Variants in ABHD17A observed in about 807,000 individuals in gnomAD.
ABHD17A encodes abhydrolase domain containing 17A, depalmitoylase.
ABHD17A carries 10 observed loss-of-function variants against 26.8 expected under a neutral mutation model. The ratio of observed to expected loss-of-function variants is 0.37; its 90% CI spans 0.23 to 0.63. The LOEUF is 0.63. ABHD17A is among the 30% of genes least tolerant of loss of function. ABHD17A has a pLI of 0.61. For missense variants in ABHD17A, 292 were observed against 457.3 expected (o/e 0.64, Z 3.30); for synonymous variants, 167 against 210.9 (o/e 0.79, Z 1.80).
Position 1,884,782 on chromosome 19 carries a change from C to T in ABHD17A, c.-239+570G>A, listed in dbSNP as rs575241959. The stretch of plus-strand genomic sequence containing the variant: ...AGAGAGCCTGGGACGGGTGAGGTCG[C>T]GCCCCCGAGAGTTTGCACTTCATCC... On this transcript the variant is annotated intron_variant, in intron 1 of 4. Coordinates refer to ENST00000292577, the MANE Select transcript of ABHD17A (RefSeq NM_001130111.2). Among the ~76,000 whole-genome samples, 286 of 151,218 alleles carry T rather than the reference C, an allele frequency of 1.9e-3. 1 individual carries two copies. The highest frequency in any genetic ancestry group is 2.7e-3 in the Non-Finnish European group (182 of 67,698).
rs759155426 is a variant in ABHD17A at position 1,877,403 on chromosome 19, T to G, written c.730A>C (p.Thr244Pro). 1.9e-6 allele frequency: 3 copies of G among 1,568,428 alleles called. No homozygotes were observed. Among genetic ancestry groups the G allele is most frequent in the Non-Finnish European group, 2.6e-6 (3 of 1,164,132 alleles). ...CCGTGGATGATGAGCACGGGAGACGTGATCTTGGACACCTTCTCGATGCTG... is the reference window on the plus strand; with the variant it reads ...CCGTGGATGATGAGCACGGGAGACGGGATCTTGGACACCTTCTCGATGCTG... ...FPNIEKVSKI[T>P]SPVLIIHGTE... is the part of the protein sequence containing the mutation. Residue 244 changes from threonine to proline, a missense_variant, in exon 5 of 5, where the codon ACG (threonine) becomes CCG (proline). Physicochemically the swap from Thr to Pro is conservative, Grantham distance 38 (BLOSUM62 -1). Transcript: ENST00000292577.
chr19:1,883,952 T>C (rs12978348), intron 1 of ABHD17A, among the ~76,000 whole-genome samples: 106,061 of 151,894 alleles, frequency 0.7, 37,202 homozygotes, highest in Middle Eastern at 0.81. Flanking sequence ...ACCCTGCCAC[T>C]CCTGGCTCCC....
rs752472102 is a variant in ABHD17A at position 1,877,407 on chromosome 19, C to G, written c.726G>C (p.Lys242Asn). The change falls in exon 5 of 5, where the codon AAG becomes AAC. Residue 242 changes from lysine (K) to asparagine (N), a missense_variant. Physicochemically the swap from Lys to Asn is moderately conservative, Grantham distance 94. Coordinates refer to ENST00000292577, the MANE Select transcript of ABHD17A (RefSeq NM_001130111.2). ...DAFPNIEKVS[K>N]ITSPVLIIHG... Reference sequence around the variant, plus strand: ...GGATGATGAGCACGGGAGACGTGATCTTGGACACCTTCTCGATGCTGCGGG... The same window carrying G: ...GGATGATGAGCACGGGAGACGTGATGTTGGACACCTTCTCGATGCTGCGGG... 5 of 1,567,612 alleles carry G rather than the reference C, an allele frequency of 3.2e-6. No individual in the cohort carries two copies. Among genetic ancestry groups the G allele is most frequent in the African/African-American group, 1.3e-5 (1 of 74,570 alleles).
At position 1,880,574 on chromosome 19, in the gene ABHD17A, G is replaced by C. The variant is rs1348341025; in HGVS notation, c.333-459C>G. On this transcript the variant is annotated intron_variant, in intron 2 of 4. Transcript: ENST00000292577. The surrounding 1 kb of genome is among the most constrained non-coding windows in gnomAD (Gnocchi z 4.1). ...GGGAGCCCATGCTGCTGCTGGCAGG[G>C]CTATCTCCCCTCACCTCACAGAATG... is the stretch of plus-strand genomic sequence containing the variant. 6.6e-6 allele frequency among the ~76,000 whole-genome samples: 1 copy of C among 152,188 alleles called. No homozygotes were observed. Among genetic ancestry groups the C allele is most frequent in the African/African-American group, 2.4e-5 (1 of 41,446 alleles).
chr19:1,885,012 G>T (rs970819323), intron 1 of ABHD17A, among the ~76,000 whole-genome samples: 6 of 152,204 alleles, frequency 3.9e-5, no homozygotes, highest in Admixed American at 6.5e-5. Context: ...AGCTGCCTTG[G>T]GGGGCGAGAG....
In ABHD17A at chr19:1,880,121, A is replaced by G. The variant is rs542398863; in HGVS notation, c.333-6T>C. 6.2e-7 allele frequency: 1 copy of G among 1,612,744 alleles called. No homozygotes were observed. The highest frequency in any genetic ancestry group is 1.3e-5 in the African/African-American group (1 of 75,052). On this transcript the variant is annotated splice_region_variant and splice_polypyrimidine_tract_variant and intron_variant, in intron 2 of 4. Coordinates refer to ENST00000292577, the MANE Select transcript of ABHD17A (RefSeq NM_001130111.2). This position sits in a 1 kb window ranked among gnomAD's most constrained non-coding sequence, Gnocchi z 4.1. ...GCGAGAAGAGGACCGTGTACCTGGG[A>G]CAGGCCGAGAAGGGCCGTTCACATC...
intron 1 of ABHD17A, among the ~76,000 whole-genome samples, chr19:1,884,492 G>A (rs1599211955): frequency 6.6e-6 from 1 of 152,140 alleles, no homozygotes; most frequent in African/African-American, 2.4e-5. Context: ...GCAAGCTAGA[G>A]GTGTTCTGAG....
chr19:1,884,629 G>T (rs1408578935), intron 1 of ABHD17A, among the ~76,000 whole-genome samples: 1 of 152,086 alleles, frequency 6.6e-6, no homozygotes, highest in Non-Finnish European at 1.5e-5. Flanking sequence ...ATATCAGAGG[G>T]CAGACAAACG....
In ABHD17A at chr19:1,877,180, C is replaced by T. The variant is rs771040886; in HGVS notation, c.*20G>A. On this transcript the variant is annotated 3_prime_UTR_variant, in exon 5 of 5. Coordinates refer to ENST00000292577, the MANE Select transcript of ABHD17A (RefSeq NM_001130111.2). ...CCGGGGGCCGCCTTATTGCTGAGGT[C>T]CGGCCGGTTGGGGCCGCCGCTAGGC... is the stretch of plus-strand genomic sequence containing the variant. 57 of 1,411,278 alleles carry T rather than the reference C, an allele frequency of 4.0e-5. No homozygotes were observed. Among genetic ancestry groups the T allele is most frequent in the South Asian group, 1.4e-4 (11 of 80,650 alleles). 87.4% of individuals were successfully genotyped at this position (1,411,278 alleles called of 1,614,324 possible). A position where few individuals can be genotyped will look rare whatever the true frequency, so the allele number is the denominator to read the frequency against.
intron 3 of ABHD17A, 148 bp from the exon 4 acceptor site, chr19:1,877,835 T>A: frequency 1.4e-6 from 1 of 696,552 alleles, no homozygotes; most frequent in East Asian, 2.9e-5. Context: ...TCCACACCAG[T>A]CCCGAGGGCC....
chr19:1,881,253 C>G lies in ABHD17A; in HGVS notation c.314G>C (p.Arg105Pro). The change falls in exon 2 of 5, where the codon CGC becomes CCC. Residue 105 changes from arginine (R) to proline (P), a missense_variant. Around this residue, in one of 4 missense-constraint regions of ABHD17A, gnomAD observed 171 missense variants for 216.1 expected, o/e 0.79. Coordinates refer to ENST00000292577, the MANE Select transcript of ABHD17A (RefSeq NM_001130111.2). ...TGCTCACCTGGCACCAGGCACGCAGCGAACATACATGCAGGAGACGCGGTT... is the reference window on the plus strand; with the variant it reads ...TGCTCACCTGGCACCAGGCACGCAGGGAACATACATGCAGGAGACGCGGTT... ...RGNRVSCMYV[R>P]CVPGARYTVL... 1 of 1,611,128 alleles carries G rather than the reference C, an allele frequency of 6.2e-7. No homozygotes were observed. The highest frequency in any genetic ancestry group is 8.5e-7 in the Non-Finnish European group (1 of 1,179,738).
rs776623684 is a variant in ABHD17A at position 1,880,657 on chromosome 19, G to A, written c.333-542C>T. 1.3e-5 allele frequency among the ~76,000 whole-genome samples: 2 copies of A among 152,096 alleles called. No individual in the cohort carries two copies. The highest frequency in any genetic ancestry group is 2.4e-5 in the African/African-American group (1 of 41,410). On this transcript the variant is annotated intron_variant, in intron 2 of 4. Transcript: ENST00000292577. The surrounding 1 kb of genome is among the most constrained non-coding windows in gnomAD (Gnocchi z 4.1). ...ACCCCTGCCCCCAACAAGCAAATGC[G>A]GCCAATCTCTGCTCACACTCATGCA...
Position 1,881,339 on chromosome 19 carries a change from G to C in ABHD17A, c.228C>G (p.Phe76Leu). The C allele has an allele frequency of 1.9e-6, 3 of 1,610,282 alleles. No individual in the cohort carries two copies. In the South Asian group the frequency reaches 3.3e-5, roughly 18 times the overall value. ...WKLHLTERADFQYSQRELDTI... is the reference protein window; with the variant it reads ...WKLHLTERADLQYSQRELDTI... ...TGTCCAGCTCGCGCTGGCTGTACTG[G>C]AAGTCGGCACGCTCCGTCAGGTGCA... The change falls in exon 2 of 5, where the codon TTC becomes TTG. Residue 76 changes from phenylalanine to leucine, a missense_variant. This residue lies in a region of ABHD17A where 171 missense variants were observed against 216.1 expected (regional missense o/e 0.79). Transcript: ENST00000292577.
Position 1,881,818 on chromosome 19 carries a change from G to C in ABHD17A, c.-238-14C>G. Reference sequence around the variant, plus strand: ...CCGTGGGAAGCCCTGCGGGGGAACAGTGACATGTGGGGTCCTTTGGGGGTG... The same window carrying C: ...CCGTGGGAAGCCCTGCGGGGGAACACTGACATGTGGGGTCCTTTGGGGGTG... On this transcript the variant is annotated splice_polypyrimidine_tract_variant and intron_variant, in intron 1 of 4. Coordinates refer to ENST00000292577, the MANE Select transcript of ABHD17A (RefSeq NM_001130111.2). 1 of 484,506 alleles carries C rather than the reference G, an allele frequency of 2.1e-6. No individual in the cohort carries two copies. 30.0% of individuals were successfully genotyped at this position (484,506 alleles called of 1,614,324 possible).
chr19:1,881,625 C>A lies in ABHD17A; in HGVS notation c.-59G>T. On this transcript the variant is annotated 5_prime_UTR_variant, in exon 2 of 5. In the 5' UTR this introduces an upstream ATG that the reference lacks. Coordinates refer to ENST00000292577, the MANE Select transcript of ABHD17A (RefSeq NM_001130111.2). ...GCCCCCGCCAACAACGCCGCCCGGC[C>A]TGGCCCGGCAGGGGAGGGGTGGGGG... 2 of 1,442,788 alleles carry A rather than the reference C, an allele frequency of 1.4e-6. No homozygotes were observed. The highest frequency in any genetic ancestry group is 1.4e-5 in the South Asian group (1 of 69,910). 89.4% of individuals were successfully genotyped at this position (1,442,788 alleles called of 1,614,324 possible).
At chr19:1,878,573 C>T (rs895536956) in intron 3 of ABHD17A, 1 of 152,456 alleles carries the variant, frequency 6.6e-6, no homozygotes, top group Non-Finnish European at 1.5e-5. Context: ...GGTGTGCGTC[C>T]CCTCTGCCTG....
rs1009381692 is a variant in ABHD17A at position 1,885,456 on chromosome 19, C to G, written c.-343G>C. On this transcript the variant is annotated 5_prime_UTR_variant, in exon 1 of 5. Transcript: ENST00000292577. ...CGCACCCCTGCCCGGCCTCCTGCAC[C>G]GCCACCGCCGCAGCTCCCCCCACGG... 2 of 152,504 alleles carry G rather than the reference C, an allele frequency of 1.3e-5. No homozygotes were observed. The highest frequency in any genetic ancestry group is 2.4e-5 in the African/African-American group (1 of 41,456). The allele number at this position is 152,504 out of a possible 1,614,324, so 9.4% of individuals were successfully genotyped here. A position where few individuals can be genotyped will look rare whatever the true frequency, so the allele number is the denominator to read the frequency against.
At position 1,881,080 on chromosome 19, in the gene ABHD17A, C is replaced by T. The variant is rs753946681; in HGVS notation, c.332+155G>A. ...GAGAAAATTGCCAGAGGGACGAGGC[C>T]GGCCTGACGGGGGATACCACCCTTG... On this transcript the variant is annotated intron_variant, in intron 2 of 4. Transcript: ENST00000292577. The T allele has an allele frequency of 1.3e-5, 20 of 1,585,370 alleles. No individual in the cohort carries two copies. In the South Asian group the frequency reaches 2.2e-4, roughly 17 times the overall value.
Position 1,880,021 on chromosome 19 carries a change from A to G in ABHD17A, c.427T>C (p.Phe143Leu), listed in dbSNP as rs760943932. Residue 143 changes from phenylalanine to leucine, a missense_variant, in exon 3 of 5, where the codon TTC (phenylalanine) becomes CTC (leucine). By Grantham distance (22) the Phe-to-Leu change is conservative. This residue lies in a region of ABHD17A where 171 missense variants were observed against 216.1 expected (regional missense o/e 0.79). Transcript: ENST00000292577. The surrounding 1 kb of genome is among the most constrained non-coding windows in gnomAD (Gnocchi z 4.1). ...CCGTAGCCGGAGTAGTCGTAGGAGA[A>G]GATGTTGCAGTGGAGGCGGGAGCCC... Reference protein sequence around the residue: ...GLGSRLHCNIFSYDYSGYGAS... With the variant: ...GLGSRLHCNILSYDYSGYGAS... 1.9e-6 allele frequency: 3 copies of G among 1,613,242 alleles called. No homozygotes were observed. Among genetic ancestry groups the G allele is most frequent in the South Asian group, 1.1e-5 (1 of 91,090 alleles).
Sources: gnomAD v4.1 joint callset for allele counts (sites outside exome capture counted in the v4.1 genomes callset) on GRCh38, gnomAD v4.1.1 for gene constraint, gnomAD v4.1.1 regional missense constraint, Gnocchi (gnomAD v3.1) non-coding constraint, MANE v1.5 for transcripts, NCBI Gene and HGNC (gene_info 2026-07-23, HGNC 2026-07-21) for gene names.